RALGAPA2: variants seen among roughly 807,000 people sequenced by gnomAD.
The protein encoded by RALGAPA2 is ral GTPase-activating protein subunit alpha-2.
RALGAPA2 carries 139 observed loss-of-function variants against 230.4 expected under a neutral mutation model. The observed-to-expected ratio is 0.60, with a 90% CI of 0.53 to 0.69. RALGAPA2 has a LOEUF of 0.69. RALGAPA2 is among the 30% of genes least tolerant of loss of function. The pLI is 0.00. For synonymous variants in RALGAPA2, 847 were observed against 837.8 expected (o/e 1.01, Z -0.19); for missense variants, 2,163 against 2,276.0 (o/e 0.95, Z 1.01).
At chr20:20,451,282 T>C (rs2060982257) in intron 37 of RALGAPA2, among the ~76,000 whole-genome samples, 1 of 152,214 alleles carries the variant, frequency 6.6e-6, no homozygotes, top group Non-Finnish European at 1.5e-5. Flanking sequence ...AATTCCTATC[T>C]GTAGATCAGA....
chr20:20,498,761 G>GT (rs1262497813), intron 35 of RALGAPA2, among the ~76,000 whole-genome samples: 4 of 152,164 alleles, frequency 2.6e-5, no homozygotes, highest in African/African-American at 4.8e-5. Context: ...CACTCGTACT[G>GT]TATCACTGCC....
At chr20:20,655,357 G>A (rs560207416) in intron 3 of RALGAPA2, among the ~76,000 whole-genome samples, 1 of 152,138 alleles carries the variant, frequency 6.6e-6, no homozygotes, top group South Asian at 2.1e-4. Context: ...CTTGACAGAC[G>A]TTTGCACGAA....
chr20:20,407,009 T>TA (rs1291063214), intron 38 of RALGAPA2, among the ~76,000 whole-genome samples: 1 of 152,138 alleles, frequency 6.6e-6, no homozygotes, highest in African/African-American at 2.4e-5. Context: ...GGATTATCAC[T>TA]ATAGGGTGGG....
intron 24 of RALGAPA2, among the ~76,000 whole-genome samples, chr20:20,541,118 G>A (rs915729307): frequency 5.6e-5 from 8 of 141,878 alleles, no homozygotes; most frequent in Non-Finnish European, 9.1e-5. Flanking sequence ...TTGCCTACAC[G>A]TATCTTTTGT....
At chr20:20,544,804 A>T (rs1568561080) in intron 24 of RALGAPA2, among the ~76,000 whole-genome samples, 1 of 150,426 alleles carries the variant, frequency 6.6e-6, no homozygotes, top group African/African-American at 2.4e-5. Flanking sequence ...CTCACTCATA[A>T]GTGGGAGCTG....
At chr20:20,540,695 A>G (rs1466697176) in intron 24 of RALGAPA2, among the ~76,000 whole-genome samples, 7 of 152,168 alleles carry the variant, frequency 4.6e-5, no homozygotes, top group African/African-American at 1.7e-4. Context: ...TTTGACCTTT[A>G]CATTTACCTT....
chr20:20,609,750 C>T (rs544776601), intron 14 of RALGAPA2, among the ~76,000 whole-genome samples: 2 of 152,318 alleles, frequency 1.3e-5, no homozygotes, highest in South Asian at 2.1e-4. Flanking sequence ...AACAGTGAGA[C>T]GCTTCGCTGA....
At chr20:20,509,484 A>G (rs966410597) in intron 33 of RALGAPA2, among the ~76,000 whole-genome samples, 7 of 152,194 alleles carry the variant, frequency 4.6e-5, no homozygotes, top group Non-Finnish European at 7.3e-5. Context: ...TGATACTGAA[A>G]TATTTATCAC....
chr20:20,586,576 T>C (rs910978489), intron 18 of RALGAPA2, among the ~76,000 whole-genome samples: 2 of 152,154 alleles, frequency 1.3e-5, no homozygotes, highest in South Asian at 2.1e-4. Flanking sequence ...GAATTGCAAT[T>C]TGTAAACATT....
intron 23 of RALGAPA2, among the ~76,000 whole-genome samples, chr20:20,565,511 G>A (rs565345376): frequency 7.9e-5 from 12 of 152,124 alleles, no homozygotes; most frequent in Non-Finnish European, 1.6e-4. Context: ...TTTTACAAAC[G>A]ACTGTTTATT....
At chr20:20,623,054 G>C (rs1603099258) in intron 10 of RALGAPA2, among the ~76,000 whole-genome samples, 2 of 152,118 alleles carry the variant, frequency 1.3e-5, no homozygotes, top group Admixed American at 1.3e-4. Flanking sequence ...AGAAAAATGG[G>C]ATATTAAAAA....
intron 38 of RALGAPA2, among the ~76,000 whole-genome samples, chr20:20,399,615 T>C (rs1468849754): frequency 1.3e-5 from 2 of 152,240 alleles, no homozygotes; most frequent in Non-Finnish European, 2.9e-5. Context: ...TTCTTCCACC[T>C]TGTGTGACTT....
chr20:20,514,182 C>G (rs1305880304), intron 31 of RALGAPA2, among the ~76,000 whole-genome samples: 2 of 152,042 alleles, frequency 1.3e-5, no homozygotes, highest in Non-Finnish European at 2.9e-5. Context: ...ATTCAGAACA[C>G]CTGCTTGCCT....
At position 20,650,578 on chromosome 20, in the gene RALGAPA2, G is replaced by A. The variant is rs566049224; in HGVS notation, c.328+2952C>T. Among the ~76,000 whole-genome samples the A allele has an allele frequency of 2.5e-4, 38 of 152,286 alleles. No homozygotes were observed. In the South Asian group the frequency reaches 7.7e-3, roughly 31 times the overall value. On this transcript the variant is annotated intron_variant, in intron 4 of 39. Coordinates refer to ENST00000202677, the MANE Select transcript of RALGAPA2 (RefSeq NM_020343.4). Reference sequence around the variant, plus strand: ...GTAACATTTAATTAGTAAGACATTAGTATAGGAGTGTCCTCCCTAGTAGGT... The same window carrying A: ...GTAACATTTAATTAGTAAGACATTAATATAGGAGTGTCCTCCCTAGTAGGT...
At chr20:20,598,182 T>C (rs1249878350) in intron 16 of RALGAPA2, among the ~76,000 whole-genome samples, 4 of 152,202 alleles carry the variant, frequency 2.6e-5, no homozygotes, top group Non-Finnish European at 4.4e-5. Context: ...ACTGGTCCTT[T>C]TGCACTCAAA....
intron 37 of RALGAPA2, among the ~76,000 whole-genome samples, chr20:20,449,811 A>G (rs2060948075): frequency 6.6e-6 from 1 of 152,232 alleles, no homozygotes; most frequent in Non-Finnish European, 1.5e-5. Context: ...AGAATGACCT[A>G]TTATGTCTTC....
At chr20:20,554,370 T>C (rs1334042094) in intron 23 of RALGAPA2, among the ~76,000 whole-genome samples, 1 of 152,250 alleles carries the variant, frequency 6.6e-6, no homozygotes, top group Non-Finnish European at 1.5e-5. Flanking sequence ...TTCAAATTAA[T>C]ATTCCATTGT....
intron 18 of RALGAPA2, among the ~76,000 whole-genome samples, chr20:20,587,753 T>C (rs1051994712): frequency 1.3e-5 from 2 of 151,418 alleles, no homozygotes; most frequent in Non-Finnish European, 1.5e-5. Context: ...ATAACCAAAA[T>C]AGGATCAGTA....
chr20:20,696,776 C>A (rs554036564), intron 1 of RALGAPA2, among the ~76,000 whole-genome samples: 1 of 152,186 alleles, frequency 6.6e-6, no homozygotes, highest in Non-Finnish European at 1.5e-5. Context: ...AGGTCTCAGT[C>A]CAAACCTCCC....
Sources: gnomAD v4.1 joint callset for allele counts (sites outside exome capture counted in the v4.1 genomes callset) on GRCh38, gnomAD v4.1.1 for gene constraint, MANE v1.5 for transcripts, NCBI Gene and HGNC (gene_info 2026-07-23, HGNC 2026-07-21) for gene names.